The following CPAMD8 variants were observed in gnomAD, a reference collection of about 807,000 sequenced individuals.
CPAMD8 encodes the protein C3 and PZP-like alpha-2-macroglobulin domain-containing protein 8.
Under a neutral mutation model 224.7 loss-of-function variants are expected in CPAMD8, and 146 were observed. The observed-to-expected ratio is 0.65, with a 90% confidence interval of 0.57 to 0.75. The LOEUF (loss-of-function observed/expected upper bound fraction) is 0.75, where lower values mean the gene tolerates loss of function less well. Ranked by LOEUF, CPAMD8 falls within the 30% of genes least tolerant of loss-of-function variation. The pLI is 0.00. For synonymous variants in CPAMD8, 966 were observed against 1,044.6 expected, an observed-to-expected ratio of 0.92 and a Z score of 1.45; for missense variants, 2,301 against 2,537.5, an observed-to-expected ratio of 0.91 and a Z score of 2.00.
chr19:16,975,916 T>C (rs927739036), intron 16 of CPAMD8, 86 bp downstream of exon 16: 1 of 1,321,728 alleles, frequency 7.6e-7, no homozygotes, highest in Non-Finnish European at 1.0e-6. Flanking sequence ...ACTCTTCATT[T>C]ATTGGAATGA....
At chr19:16,987,177 A>AAAAAAAAAAT (rs2055764292) in intron 13 of CPAMD8, among the ~76,000 whole-genome samples, 1 of 72,888 alleles carries the variant, frequency 1.4e-5, no homozygotes, top group African/African-American at 8.1e-5. Flanking sequence ...AAAAAAAAAA[A>AAAAAAAAAAT]AAATATATAT....
At chr19:17,004,131 C>A in intron 8 of CPAMD8, 142 bp downstream of exon 8, 1 of 529,814 alleles carries the variant, frequency 1.9e-6, no homozygotes. Flanking sequence ...GTCTCAAACT[C>A]CTGACCTCAA....
intron 17 of CPAMD8, among the ~76,000 whole-genome samples, chr19:16,971,509 T>C (rs1042275438): frequency 6.6e-6 from 1 of 152,098 alleles, no homozygotes; most frequent in Non-Finnish European, 1.5e-5. Context: ...TGTTGTATGA[T>C]TCCGTTGAGA....
chr19:17,018,717 TACAC>T (rs367984655), intron 3 of CPAMD8, among the ~76,000 whole-genome samples: 16,517 of 136,620 alleles, frequency 0.12, 1,126 homozygotes, highest in South Asian at 0.16. Flanking sequence ...CTACTAAAAA[TACAC>T]ACACACACAC....
chr19:17,010,390 A>G (rs574936400), intron 5 of CPAMD8, among the ~76,000 whole-genome samples: 4 of 152,206 alleles, frequency 2.6e-5, no homozygotes, highest in Non-Finnish European at 5.9e-5. Flanking sequence ...ACATGCCACC[A>G]TGCTCAACTA....
In CPAMD8 at chr19:16,925,212, G is replaced by A. The variant is rs180687201; in HGVS notation, c.3531C>T (p.Thr1177=). The change falls in exon 26 of 42, where the codon ACC becomes ACT. Residue 1177 remains threonine (T), a synonymous_variant. Coordinates refer to ENST00000443236, the MANE Select transcript of CPAMD8 (RefSeq NM_015692.5). ...QLSPEVERET[T]DYLVQGYQRQ... ...CCCCAATACCTTGTACTAGGTAGTCGGTGGTCTCTCTCTCCACCTCAGGGC... is the reference window on the plus strand; with the variant it reads ...CCCCAATACCTTGTACTAGGTAGTCAGTGGTCTCTCTCTCCACCTCAGGGC... 9.9e-6 allele frequency: 16 copies of A among 1,614,160 alleles called. No homozygotes were observed. The Admixed American group carries it at 1.0e-4, about 10-fold the overall frequency.
chr19:16,999,173 G>A (rs2056229108), intron 10 of CPAMD8, among the ~76,000 whole-genome samples: 1 of 152,142 alleles, frequency 6.6e-6, no homozygotes, highest in Non-Finnish European at 1.5e-5. Context: ...AGAGACAGGA[G>A]GAGGGAAATG....
At chr19:16,985,098 C>T (rs1810141203) in intron 13 of CPAMD8, among the ~76,000 whole-genome samples, 1 of 152,048 alleles carries the variant, frequency 6.6e-6, no homozygotes, top group Admixed American at 6.5e-5. Context: ...TAAAATAATG[C>T]CTTTTTTTAA....
chr19:17,020,922 A>G (rs1418051993), intron 2 of CPAMD8, among the ~76,000 whole-genome samples: 4 of 151,958 alleles, frequency 2.6e-5, no homozygotes, highest in Non-Finnish European at 5.9e-5. Flanking sequence ...CCAGCACACA[A>G]CGCACGTGGC....
intron 40 of CPAMD8, 31 bp downstream of exon 40, chr19:16,896,425 C>T: frequency 6.8e-7 from 1 of 1,475,414 alleles, no homozygotes; most frequent in East Asian, 2.5e-5. Flanking sequence ...CGATGGTGTC[C>T]CCGAGGCTAG....
chr19:16,958,035 G>A lies in CPAMD8; in HGVS notation c.2214-120C>T. ...CGCGTTAATTTCTTTTACCTGGAAGGGTTAACATTGTACTTCACTGGGATA... is the reference window on the plus strand; with the variant it reads ...CGCGTTAATTTCTTTTACCTGGAAGAGTTAACATTGTACTTCACTGGGATA... On this transcript the variant is annotated intron_variant, in intron 18 of 41. Coordinates refer to ENST00000443236, the MANE Select transcript of CPAMD8 (RefSeq NM_015692.5). 8 of 858,238 alleles carry A rather than the reference G, an allele frequency of 9.3e-6. No homozygotes were observed. The South Asian group carries it at 1.3e-4, about 14-fold the overall frequency. 53.2% of individuals were successfully genotyped at this position (858,238 alleles called of 1,614,324 possible).
At position 16,914,718 on chromosome 19, in the gene CPAMD8, T is replaced by C. The variant is rs372638116; in HGVS notation, c.3725A>G (p.Gln1242Arg). 2.4e-5 allele frequency: 38 copies of C among 1,613,924 alleles called. No individual in the cohort carries two copies. The African/African-American group carries it at 4.8e-4, about 20-fold the overall frequency. Residue 1242 changes from glutamine (Q) to arginine (R), a missense_variant, in exon 28 of 42, where the codon CAG becomes CGG. By Grantham distance (43) the Gln-to-Arg change is conservative. Coordinates refer to ENST00000443236, the MANE Select transcript of CPAMD8 (RefSeq NM_015692.5). ...ELAAAKSWII[Q>R]QQQADGSFLA... ...GAAGGAGCCATCGGCCTGCTGCTGC[T>C]GGATGATCCAGCTCTTGGCGGCAGC...
intron 23 of CPAMD8, among the ~76,000 whole-genome samples, chr19:16,933,523 A>G (rs1474617929): frequency 1.3e-5 from 2 of 152,188 alleles, no homozygotes; most frequent in Non-Finnish European, 2.9e-5. Flanking sequence ...AGGTTAAAAG[A>G]TTGGAACAGA....
chr19:16,960,227 G>A (rs181217798), intron 18 of CPAMD8, among the ~76,000 whole-genome samples: 1 of 151,198 alleles, frequency 6.6e-6, no homozygotes, highest in African/African-American at 2.5e-5. Flanking sequence ...AAAAAAAAAG[G>A]CTTTCTCAAA....
chr19:16,920,298 T>A (rs1599702112), intron 27 of CPAMD8, among the ~76,000 whole-genome samples: 1 of 150,504 alleles, frequency 6.6e-6, no homozygotes, highest in Admixed American at 6.6e-5. Flanking sequence ...GCTAACACGG[T>A]GAAACCCCGT....
intron 25 of CPAMD8, among the ~76,000 whole-genome samples, chr19:16,926,977 A>G (rs1003289537): frequency 1.3e-5 from 2 of 151,882 alleles, no homozygotes; most frequent in Non-Finnish European, 2.9e-5. Flanking sequence ...GAGCCTCGAC[A>G]CCCTCATTTG....
At chr19:16,936,863 A>C (rs1943526247) in intron 23 of CPAMD8, among the ~76,000 whole-genome samples, 1 of 152,226 alleles carries the variant, frequency 6.6e-6, no homozygotes, top group Non-Finnish European at 1.5e-5. Context: ...TTGTGGAGAA[A>C]AAAACTTTTA....
chr19:16,954,800 T>G (rs979531990), intron 19 of CPAMD8, among the ~76,000 whole-genome samples: 2 of 147,138 alleles, frequency 1.4e-5, no homozygotes, highest in African/African-American at 2.5e-5. Flanking sequence ...CTGGTCAACA[T>G]GGTGAAACCC....
In CPAMD8 at chr19:16,975,896, T is replaced by A. The variant is rs542862229; in HGVS notation, c.1908+106A>T. 19 of 1,220,264 alleles carry A rather than the reference T, an allele frequency of 1.6e-5. No individual in the cohort carries two copies. The East Asian group carries it at 3.1e-4, about 20-fold the overall frequency. 75.6% of individuals were successfully genotyped at this position (1,220,264 alleles called of 1,614,324 possible). A position where few individuals can be genotyped will look rare whatever the true frequency, so the allele number is the denominator to read the frequency against. ...ACCCGACGGAGAAAGCGAATCTGGATTCAAATGCCACTCTTCATTTATTGG... is the reference window on the plus strand; with the variant it reads ...ACCCGACGGAGAAAGCGAATCTGGAATCAAATGCCACTCTTCATTTATTGG... On this transcript the variant is annotated intron_variant, in intron 16 of 41. Transcript: ENST00000443236.
Sources: gnomAD v4.1 joint callset for allele counts (sites outside exome capture counted in the v4.1 genomes callset) on GRCh38, gnomAD v4.1.1 for gene constraint, MANE v1.5 for transcripts, NCBI Gene and HGNC (gene_info 2026-07-23, HGNC 2026-07-21) for gene names.